C1QTNF3: variants seen among roughly 807,000 people sequenced by gnomAD.
C1QTNF3 encodes the protein complement C1q tumor necrosis factor-related protein 3.
In C1QTNF3, 26 loss-of-function variants were observed where a neutral mutation model predicts 32.6. That is an observed-to-expected ratio of 0.80 (90% CI 0.58 to 1.11). The LOEUF is 1.11. Ranked by LOEUF, C1QTNF3 falls within the 50% of genes least tolerant of loss-of-function variation. The probability of loss-of-function intolerance (pLI) is 0.00; values close to 1 mark genes in which losing one functional copy is unlikely to be tolerated. For synonymous variants in C1QTNF3, 155 were observed against 146.0 expected (o/e 1.06, Z -0.44); for missense variants, 362 against 398.2 (o/e 0.91, Z 0.77).
chr5:34,129,567 T>C, the C1QTNF3 span, among the ~76,000 whole-genome samples: 1 of 152,188 alleles, frequency 6.6e-6, no homozygotes, highest in African/African-American at 2.4e-5. Context: ...AGCATAACTC[T>C]ATACCCTATA....
chr5:34,213,740 AGT>A, the C1QTNF3 span, among the ~76,000 whole-genome samples: 6 of 136,774 alleles, frequency 4.4e-5, no homozygotes, highest in African/African-American at 8.1e-5. Context: ...ACGTATATAT[AGT>A]GTGTGTATAT....
the C1QTNF3 span, among the ~76,000 whole-genome samples, chr5:34,159,865 A>G: frequency 6.6e-6 from 1 of 152,132 alleles, no homozygotes; most frequent in South Asian, 2.1e-4. Context: ...AAACATAGAA[A>G]CATGCCAAAG....
In C1QTNF3 at chr5:34,035,630, G is replaced by T. The variant is rs758843298; in HGVS notation, c.415+17C>A. Reference sequence around the variant, plus strand: ...CAGGCTGCAATTAGATTGACAGTATGTCTTGCTCATCCTTACCTGGAATGC... The same window carrying T: ...CAGGCTGCAATTAGATTGACAGTATTTCTTGCTCATCCTTACCTGGAATGC... On this transcript the variant is annotated intron_variant, in intron 2 of 5. Transcript: ENST00000382065. The T allele has an allele frequency of 5.8e-6, 9 of 1,553,620 alleles. No individual in the cohort carries two copies. In the South Asian group the frequency reaches 1.0e-4, roughly 17 times the overall value.
chr5:34,241,951 G>GGGAA, the C1QTNF3 span, among the ~76,000 whole-genome samples: 8,926 of 90,070 alleles, frequency 0.099, 639 homozygotes, highest in East Asian at 0.17. Context: ...AAGGGAGGGA[G>GGGAA]GGAAGGAAGG....
the C1QTNF3 span, among the ~76,000 whole-genome samples, chr5:34,170,865 T>C: frequency 6.6e-6 from 1 of 152,120 alleles, no homozygotes; most frequent in East Asian, 1.9e-4. Flanking sequence ...CTTAGAATAT[T>C]TTCTCACTTA....
At chr5:34,062,720 CT>C in the C1QTNF3 span, among the ~76,000 whole-genome samples, 6 of 152,160 alleles carry the variant, frequency 3.9e-5, no homozygotes, top group African/African-American at 1.4e-4. Flanking sequence ...CAGGTCAGAT[CT>C]TTTTAAGGTA....
At chr5:34,087,448 GCTCACTC>G in the C1QTNF3 span, among the ~76,000 whole-genome samples, 1 of 152,014 alleles carries the variant, frequency 6.6e-6, no homozygotes, top group African/African-American at 2.4e-5. Flanking sequence ...AAGATTGTAT[GCTCACTC>G]AACCAGCCTG....
At chr5:34,111,876 C>T in the C1QTNF3 span, among the ~76,000 whole-genome samples, 1 of 152,166 alleles carries the variant, frequency 6.6e-6, no homozygotes, top group Non-Finnish European at 1.5e-5. Flanking sequence ...TGCTGTCCTG[C>T]ATTTCACATT....
the C1QTNF3 span, among the ~76,000 whole-genome samples, chr5:34,234,965 T>C: frequency 2.6e-5 from 4 of 152,184 alleles, no homozygotes; most frequent in African/African-American, 9.6e-5. Context: ...CATTTATTTA[T>C]TTATTGCATC....
the C1QTNF3 span, among the ~76,000 whole-genome samples, chr5:34,220,128 A>C: frequency 3.3e-5 from 5 of 152,148 alleles, no homozygotes. Flanking sequence ...TACGGTTAAC[A>C]AGATGCACTA....
At chr5:34,041,215 C>T (rs1754865065) in intron 1 of C1QTNF3, among the ~76,000 whole-genome samples, 1 of 152,108 alleles carries the variant, frequency 6.6e-6, no homozygotes, top group Admixed American at 6.5e-5. Flanking sequence ...TTTCCATAGC[C>T]GTTGGTAGAG....
At chr5:34,217,382 A>G in the C1QTNF3 span, among the ~76,000 whole-genome samples, 4 of 152,140 alleles carry the variant, frequency 2.6e-5, no homozygotes, top group African/African-American at 9.7e-5. Flanking sequence ...CTGCATAATA[A>G]GCATTCTGTT....
chr5:34,213,347 C>G, the C1QTNF3 span, among the ~76,000 whole-genome samples: 5 of 152,092 alleles, frequency 3.3e-5, no homozygotes, highest in East Asian at 9.7e-4. Flanking sequence ...TGACACAAGG[C>G]TATATTTCAT....
chr5:34,055,633 G>A, the C1QTNF3 span, among the ~76,000 whole-genome samples: 43 of 152,332 alleles, frequency 2.8e-4, no homozygotes, highest in Middle Eastern at 6.8e-3. Context: ...TTCCCTGGCT[G>A]TAGAAGGATT....
the C1QTNF3 span, among the ~76,000 whole-genome samples, chr5:34,144,743 G>A: frequency 2.0e-5 from 3 of 152,116 alleles, no homozygotes; most frequent in African/African-American, 7.2e-5. Context: ...TGAAAATAAG[G>A]ACAAATCTTA....
At chr5:34,223,606 C>A in the C1QTNF3 span, among the ~76,000 whole-genome samples, 433 of 143,886 alleles carry the variant, frequency 3.0e-3, no homozygotes, top group South Asian at 5.4e-3. Context: ...CTGACTTCCA[C>A]AATGGTCGAA....
At chr5:34,234,905 T>C in the C1QTNF3 span, among the ~76,000 whole-genome samples, 2 of 152,182 alleles carry the variant, frequency 1.3e-5, no homozygotes, top group Non-Finnish European at 2.9e-5. Flanking sequence ...CCTTAATTTT[T>C]TTTCTCACAA....
chr5:34,034,998 G>A (rs1754699813), intron 2 of C1QTNF3, among the ~76,000 whole-genome samples: 1 of 152,196 alleles, frequency 6.6e-6, no homozygotes, highest in South Asian at 2.1e-4. Context: ...TCCTACCCTA[G>A]GGATTAACCT....
chr5:34,095,003 CAT>C, the C1QTNF3 span, among the ~76,000 whole-genome samples: 1 of 151,300 alleles, frequency 6.6e-6, no homozygotes, highest in Non-Finnish European at 1.5e-5. Context: ...AATTTTGTCA[CAT>C]GTATATAATG....
Sources: allele counts gnomAD v4.1 joint callset (sites outside exome capture counted in the v4.1 genomes callset), GRCh38; gene constraint gnomAD v4.1.1; transcripts MANE v1.5; gene names NCBI Gene and HGNC (gene_info 2026-07-23, HGNC 2026-07-21).